Variants in SMARCC2 observed in about 807,000 individuals in gnomAD.
SMARCC2 encodes SWI/SNF complex subunit SMARCC2.
A neutral mutation model predicts 151.3 loss-of-function variants in SMARCC2; 15 were observed. The observed-to-expected ratio is 0.10, with a 90% confidence interval of 0.07 to 0.15. The LOEUF (loss-of-function observed/expected upper bound fraction) is 0.15. SMARCC2 is among the 10% of genes least tolerant of loss of function. SMARCC2 has a pLI of 1.00. For synonymous variants in SMARCC2, 590 were observed against 609.5 expected (o/e 0.97, Z 0.47); for missense variants, 1,031 against 1,599.7 (o/e 0.64, Z 6.06).
At position 56,164,182 on chromosome 12, in the gene SMARCC2, CAG is replaced by C. The variant is rs1368273495; in HGVS notation, c.3661+119_3661+120del. ...CCTTCCTCCTGTATTCTAATTTTAC[CAG>C]AGTGTTCAAAAAGGATTGTGGAAAC... On this transcript the variant is annotated intron_variant, in intron 28 of 28. Transcript: ENST00000550164. The C allele has an allele frequency of 1.8e-5, 16 of 887,416 alleles. No homozygotes were observed. In the East Asian group the frequency reaches 2.7e-4, roughly 15 times the overall value. The allele number at this position is 887,416 out of a possible 1,614,324, so 55.0% of individuals were successfully genotyped here.
Position 56,173,115 on chromosome 12 carries a change from G to A in SMARCC2, c.1651-86C>T, listed in dbSNP as rs115328997. 4.5e-4 allele frequency: 546 copies of A among 1,202,718 alleles called. 3 individuals carry two copies. In the African/African-American group the frequency reaches 7.1e-3, roughly 16 times the overall value. The allele number at this position is 1,202,718 out of a possible 1,614,324, so 74.5% of individuals were successfully genotyped here. A position where few individuals can be genotyped will look rare whatever the true frequency, so the allele number is the denominator to read the frequency against. On this transcript the variant is annotated intron_variant, in intron 17 of 28. Transcript: ENST00000550164. ...GAGGCCTCAAGACCATATGCTGGGC[G>A]GCCCACAAGCTCTGGGGGCACTCAT...
Position 56,174,647 on chromosome 12 carries a change from C to G in SMARCC2, c.1496+4G>C. 6.2e-7 allele frequency: 1 copy of G among 1,602,652 alleles called. No individual in the cohort carries two copies. The highest frequency in any genetic ancestry group is 1.1e-5 in the South Asian group (1 of 90,802). ...ACCCCCTTCCCCTCAGCCACAAGACCCACCTCATGATGGCACAGACATCAC... is the reference window on the plus strand; with the variant it reads ...ACCCCCTTCCCCTCAGCCACAAGACGCACCTCATGATGGCACAGACATCAC... On this transcript the variant is annotated splice_donor_region_variant and intron_variant, in intron 16 of 28. Coordinates refer to ENST00000550164, the MANE Select transcript of SMARCC2 (RefSeq NM_001330288.2).
chr12:56,186,349 C>CA, intron 2 of SMARCC2, 109 bp from the exon 3 acceptor site: 2 of 537,040 alleles, frequency 3.7e-6, no homozygotes, highest in Non-Finnish European at 6.6e-6. Flanking sequence ...ATTGATCTCC[C>CA]TTTTTTTTTT....
Position 56,171,308 on chromosome 12 carries a change from G to A in SMARCC2, c.2310C>T (p.Gly770=), listed in dbSNP as rs770936475. The change falls in exon 22 of 29, where the codon GGC becomes GGT. Residue 770 remains glycine, a synonymous_variant. Transcript: ENST00000550164. This position sits in a 1 kb window ranked among gnomAD's most constrained non-coding sequence, Gnocchi z 4.2. The part of the protein sequence containing the change: ...ADPAFGLESS[G]IAGTTSDEPE... ...GCTCATCAGAGGTGGTTCCTGCAAT[G>A]CCACTGCTTTCCAGACCGAAGGCAG... 6.2e-7 allele frequency: 1 copy of A among 1,614,208 alleles called. No individual in the cohort carries two copies. Among genetic ancestry groups the A allele is most frequent in the Non-Finnish European group, 8.5e-7 (1 of 1,180,044 alleles).
At chr12:56,178,630 T>C in intron 13 of SMARCC2, 96 bp from the exon 14 acceptor site, 1 of 1,566,710 alleles carries the variant, frequency 6.4e-7, no homozygotes, top group Non-Finnish European at 8.8e-7. Flanking sequence ...ACACTAAAGA[T>C]GGGTGATGGG....
intron 26 of SMARCC2, among the ~76,000 whole-genome samples, chr12:56,166,236 G>A (rs1040960030): frequency 2.0e-5 from 3 of 152,036 alleles, no homozygotes; most frequent in Non-Finnish European, 2.9e-5. Flanking sequence ...CCGCCTCCCC[G>A]GTTCAAGCAA....
rs1178297620 is a variant in SMARCC2 at position 56,163,176 on chromosome 12, G to GA, written c.*512dup. The GA allele has an allele frequency of 6.6e-6, 1 of 152,078 alleles. No individual in the cohort carries two copies. The highest frequency in any genetic ancestry group is 1.9e-4 in the East Asian group (1 of 5,182). The allele number at this position is 152,078 out of a possible 1,614,324, so 9.4% of individuals were successfully genotyped here. A position where few individuals can be genotyped will look rare whatever the true frequency, so the allele number is the denominator to read the frequency against. ...CTTAGTCACTAAAAAGGGGCTTGGG[G>GA]AGAGATGGAATCTGCGCCCTGTTCT... On this transcript the variant is annotated 3_prime_UTR_variant, in exon 29 of 29. Transcript: ENST00000550164.
rs569704212 is a variant in SMARCC2 at position 56,177,111 on chromosome 12, G to A, written c.1382+911C>T. Among the ~76,000 whole-genome samples the A allele has an allele frequency of 2.6e-3, 387 of 151,596 alleles. 4 individuals are homozygous for A. Among genetic ancestry groups the A allele is most frequent in the African/African-American group, 8.9e-3 (368 of 41,294 alleles). On this transcript the variant is annotated intron_variant, in intron 15 of 28. Transcript: ENST00000550164. ...GCTGGGATTACAGGCATGAGCCACC[G>A]CGCCTGGTCTTTTTAGTAGAGATGG...
chr12:56,184,292 A>C (rs1876825002), intron 5 of SMARCC2, 48 bp from the exon 6 acceptor site: 1 of 1,414,170 alleles, frequency 7.1e-7, no homozygotes, highest in Non-Finnish European at 9.9e-7. Flanking sequence ...CCTCTGAATT[A>C]CTCAAGGTTT....
rs1872116230 is a variant in SMARCC2 at position 56,163,148 on chromosome 12, T to TGAA, written c.*540_*541insTTC. 6.6e-6 allele frequency: 1 copy of TGAA among 151,870 alleles called. No homozygotes were observed. The highest frequency in any genetic ancestry group is 2.1e-4 in the South Asian group (1 of 4,802). The allele number at this position is 151,870 out of a possible 1,614,324, so 9.4% of individuals were successfully genotyped here. On this transcript the variant is annotated 3_prime_UTR_variant, in exon 29 of 29. Coordinates refer to ENST00000550164, the MANE Select transcript of SMARCC2 (RefSeq NM_001330288.2). ...GGGTGGGGGAGGGGAGTTGGGGCCT[T>TGAA]GACTTAGTCACTAAAAAGGGGCTTG...
At chr12:56,163,821 C>T in intron 28 of SMARCC2, 56 bp from the exon 29 acceptor site, 1 of 1,170,782 alleles carries the variant, frequency 8.5e-7, no homozygotes, top group Non-Finnish European at 1.2e-6. Context: ...TGGCTCCAGA[C>T]CCAGACCACC....
At position 56,173,988 on chromosome 12, in the gene SMARCC2, A is replaced by C. The variant is rs982561066; in HGVS notation, c.1497-139T>G. On this transcript the variant is annotated intron_variant, in intron 16 of 28. Transcript: ENST00000550164. ...TTTTCCTCTGTTCATTGTACTCCTT[A>C]AGAAATCTCACCTACTCCAGTTGTT... The C allele has an allele frequency of 1.1e-5, 7 of 661,694 alleles. No homozygotes were observed. In the African/African-American group the frequency reaches 1.3e-4, roughly 12 times the overall value. The allele number at this position is 661,694 out of a possible 1,614,324, so 41.0% of individuals were successfully genotyped here.
rs1033929578 is a variant in SMARCC2 at position 56,179,150 on chromosome 12, G to A, written c.1082-94C>T. ...AGACATCCTACTTTCTCCAAAAATT[G>A]TCTCCACCTGATTGCAAAATATAGT... is the stretch of plus-strand genomic sequence containing the variant. On this transcript the variant is annotated intron_variant, in intron 11 of 28. Transcript: ENST00000550164. The A allele has an allele frequency of 4.8e-6, 5 of 1,052,440 alleles. No individual in the cohort carries two copies. In the African/African-American group the frequency reaches 6.3e-5, roughly 13 times the overall value. 65.2% of individuals were successfully genotyped at this position (1,052,440 alleles called of 1,614,324 possible).
intron 26 of SMARCC2, 131 bp from the exon 27 acceptor site, chr12:56,165,830 T>A: frequency 2.3e-6 from 2 of 887,336 alleles, no homozygotes; most frequent in Non-Finnish European, 3.5e-6. Flanking sequence ...CTACATCTTG[T>A]GCTTGTGCTC....
chr12:56,185,482 CTTT>C (rs922780076), intron 3 of SMARCC2: 2 of 175,040 alleles, frequency 1.1e-5, no homozygotes, highest in African/African-American at 2.8e-5. Context: ...CACACCCGGC[CTTT>C]TTTTTTTTCT....
Position 56,163,537 on chromosome 12 carries a change from G to A in SMARCC2, c.*152C>T. 2.2e-6 allele frequency: 1 copy of A among 453,620 alleles called. No individual in the cohort carries two copies. The highest frequency in any genetic ancestry group is 3.5e-5 in the East Asian group (1 of 28,756). 28.1% of individuals were successfully genotyped at this position (453,620 alleles called of 1,614,324 possible). ...GATATAAAAATGCATGCCTCTGTTAGGCATGGTGAGGGCTTTGGAGGGGCG... is the reference window on the plus strand; with the variant it reads ...GATATAAAAATGCATGCCTCTGTTAAGCATGGTGAGGGCTTTGGAGGGGCG... On this transcript the variant is annotated 3_prime_UTR_variant, in exon 29 of 29. Transcript: ENST00000550164.
chr12:56,186,000 A>G, intron 3 of SMARCC2, 155 bp downstream of exon 3: 1 of 637,844 alleles, frequency 1.6e-6, no homozygotes. Flanking sequence ...TTTGGCTCTG[A>G]CTCCCAACCA....
At chr12:56,188,218 G>C (rs1877639403) in intron 1 of SMARCC2, among the ~76,000 whole-genome samples, 1 of 152,178 alleles carries the variant, frequency 6.6e-6, no homozygotes, top group African/African-American at 2.4e-5. Context: ...TGATCTCCCT[G>C]CAAAAGGTCA....
At position 56,163,620 on chromosome 12, in the gene SMARCC2, G is replaced by C; in HGVS notation, c.*69C>G. 1.2e-6 allele frequency: 1 copy of C among 835,316 alleles called. No individual in the cohort carries two copies. Among genetic ancestry groups the C allele is most frequent in the Non-Finnish European group, 1.8e-6 (1 of 555,656 alleles). 51.7% of individuals were successfully genotyped at this position (835,316 alleles called of 1,614,324 possible). On this transcript the variant is annotated 3_prime_UTR_variant, in exon 29 of 29. Transcript: ENST00000550164. ...CCAGGCTGGGGAGGGTCCCAGTGGTGGGGGAAGGGCTGTTCCTGGAACCGT... is the reference window on the plus strand; with the variant it reads ...CCAGGCTGGGGAGGGTCCCAGTGGTCGGGGAAGGGCTGTTCCTGGAACCGT...
Sources: allele counts gnomAD v4.1 joint callset (sites outside exome capture counted in the v4.1 genomes callset), GRCh38; gene constraint gnomAD v4.1.1; non-coding constraint Gnocchi (gnomAD v3.1); transcripts MANE v1.5; gene names NCBI Gene and HGNC (gene_info 2026-07-23, HGNC 2026-07-21).